Variants in DLG2 observed in about 807,000 individuals in gnomAD.
DLG2 encodes disks large homolog 2.
DLG2 carries 45 observed loss-of-function variants against 132.5 expected under a neutral mutation model. The observed-to-expected ratio is 0.34, with a 90% CI of 0.27 to 0.44. DLG2 has a LOEUF of 0.44. Ranked by LOEUF, DLG2 falls within the 20% of genes least tolerant of loss-of-function variation. The probability of loss-of-function intolerance (pLI) is 1.00; values close to 1 mark genes in which losing one functional copy is unlikely to be tolerated. For synonymous variants in DLG2, 424 were observed against 419.6 expected, an observed-to-expected ratio of 1.01 and a Z score of -0.13; for missense variants, 1,045 against 1,196.9, an observed-to-expected ratio of 0.87 and a Z score of 1.87.
At chr11:84,987,870 A>T (rs2056667694) in intron 6 of DLG2, among the ~76,000 whole-genome samples, 1 of 152,250 alleles carries the variant, frequency 6.6e-6, no homozygotes, top group Non-Finnish European at 1.5e-5. Context: ...CAAGGATTTC[A>T]TGACCAAGAA....
chr11:84,154,003 T>C (rs981721520), intron 9 of DLG2, among the ~76,000 whole-genome samples: 11 of 152,184 alleles, frequency 7.2e-5, no homozygotes, highest in South Asian at 2.1e-4. Context: ...TTGAAGTTTA[T>C]TTTTATTTTT....
chr11:84,766,157 A>T (rs1266600613), intron 6 of DLG2, among the ~76,000 whole-genome samples: 2 of 152,018 alleles, frequency 1.3e-5, no homozygotes, highest in African/African-American at 4.8e-5. Context: ...GAACAGTTGA[A>T]TGGTATTTAC....
intron 18 of DLG2, among the ~76,000 whole-genome samples, chr11:83,756,963 C>T (rs1165773959): frequency 6.6e-6 from 1 of 152,130 alleles, no homozygotes; most frequent in African/African-American, 2.4e-5. Flanking sequence ...TATAGAAATA[C>T]ATGTCATATA....
At chr11:85,416,699 T>C (rs2089887300) in intron 3 of DLG2, among the ~76,000 whole-genome samples, 1 of 152,130 alleles carries the variant, frequency 6.6e-6, no homozygotes, top group South Asian at 2.1e-4. Context: ...ATTCTCTTTG[T>C]GGCAATTGTG....
chr11:85,517,723 C>T (rs1249691953), intron 3 of DLG2, among the ~76,000 whole-genome samples: 2 of 152,066 alleles, frequency 1.3e-5, no homozygotes, highest in African/African-American at 4.8e-5. Context: ...AGTGATCCTC[C>T]CAAGTAGCTG....
At chr11:83,763,082 T>C (rs1019360871) in intron 18 of DLG2, among the ~76,000 whole-genome samples, 2 of 152,226 alleles carry the variant, frequency 1.3e-5, no homozygotes, top group African/African-American at 4.8e-5. Context: ...ACTACCCTTT[T>C]GCTAGCTTGG....
intron 18 of DLG2, among the ~76,000 whole-genome samples, chr11:83,712,965 A>C (rs1214429669): frequency 8.1e-6 from 1 of 122,948 alleles, no homozygotes; most frequent in East Asian, 1.9e-4. Context: ...CCGGAACTTA[A>C]AATAAAAGTT....
At chr11:85,178,669 T>C (rs539563006) in intron 4 of DLG2, among the ~76,000 whole-genome samples, 1 of 151,540 alleles carries the variant, frequency 6.6e-6, no homozygotes, top group Non-Finnish European at 1.5e-5. Flanking sequence ...GAACAAGAGG[T>C]AGAACAAGAC....
At chr11:83,843,313 G>T (rs2058006196) in intron 16 of DLG2, among the ~76,000 whole-genome samples, 1 of 152,110 alleles carries the variant, frequency 6.6e-6, no homozygotes, top group African/African-American at 2.4e-5. Context: ...TATCTAACGA[G>T]GTCCTACTTG....
intron 7 of DLG2, chr11:84,273,348 T>C: frequency 1.5e-5 from 19 of 1,302,070 alleles, no homozygotes; most frequent in South Asian, 4.5e-5. Context: ...ATCTGTTACA[T>C]AAACTTCTTA....
intron 17 of DLG2, among the ~76,000 whole-genome samples, chr11:83,796,557 TA>T (rs1438744574): frequency 2.6e-5 from 4 of 152,188 alleles, no homozygotes; most frequent in Non-Finnish European, 4.4e-5. Flanking sequence ...CCCTAGTTTC[TA>T]AATTCTATTT....
intron 7 of DLG2, among the ~76,000 whole-genome samples, chr11:84,279,682 A>G (rs1239900069): frequency 6.6e-6 from 1 of 152,200 alleles, no homozygotes; most frequent in Non-Finnish European, 1.5e-5. Flanking sequence ...GATGGAAACC[A>G]TCATTCTCAG....
At chr11:83,468,677 A>T (rs1301066584) in intron 25 of DLG2, among the ~76,000 whole-genome samples, 1 of 152,090 alleles carries the variant, frequency 6.6e-6, no homozygotes, top group Non-Finnish European at 1.5e-5. Flanking sequence ...TTCCTATGGT[A>T]CCCTCTCTTG....
intron 6 of DLG2, among the ~76,000 whole-genome samples, chr11:85,001,511 A>G (rs1432376564): frequency 2.0e-5 from 3 of 152,160 alleles, no homozygotes; most frequent in Non-Finnish European, 4.4e-5. Context: ...GTCATCAGAG[A>G]GTATGTAAAA....
At chr11:85,412,048 G>C (rs1248024167) in intron 3 of DLG2, among the ~76,000 whole-genome samples, 2 of 151,754 alleles carry the variant, frequency 1.3e-5, no homozygotes, top group East Asian at 3.9e-4. Context: ...TTTGAGCTCT[G>C]ATTAGTCTAA....
chr11:85,593,989 G>T (rs537349095), intron 3 of DLG2, among the ~76,000 whole-genome samples: 26 of 151,962 alleles, frequency 1.7e-4, no homozygotes, highest in Non-Finnish European at 3.7e-4. Flanking sequence ...CACATAACTG[G>T]TATTTTTAAA....
At chr11:84,862,580 T>A (rs1360014955) in intron 6 of DLG2, among the ~76,000 whole-genome samples, 1 of 151,856 alleles carries the variant, frequency 6.6e-6, no homozygotes, top group Non-Finnish European at 1.5e-5. Context: ...CAAATGACCA[T>A]CAATGATAGA....
chr11:84,157,978 T>C (rs1281204952), intron 9 of DLG2, among the ~76,000 whole-genome samples: 1 of 152,200 alleles, frequency 6.6e-6, no homozygotes, highest in Non-Finnish European at 1.5e-5. Flanking sequence ...ATGAGAAAAT[T>C]CCTTTCATCA....
chr11:83,625,628 C>G (rs534294673), intron 19 of DLG2, among the ~76,000 whole-genome samples: 1 of 152,178 alleles, frequency 6.6e-6, no homozygotes, highest in East Asian at 1.9e-4. Context: ...AGGAATAGAA[C>G]GACTAACTGT....
Sources: gnomAD v4.1 joint callset for allele counts (sites outside exome capture counted in the v4.1 genomes callset) on GRCh38, gnomAD v4.1.1 for gene constraint, MANE v1.5 for transcripts, NCBI Gene and HGNC (gene_info 2026-07-23, HGNC 2026-07-21) for gene names.